The following DNAI3 variants were observed in gnomAD, a reference collection of about 807,000 sequenced individuals.
DNAI3 encodes dynein axonemal intermediate chain 3.
DNAI3 carries 83 observed loss-of-function variants against 115.5 expected under a neutral mutation model. The ratio of observed to expected loss-of-function variants is 0.72; its 90% CI spans 0.60 to 0.86. The LOEUF (loss-of-function observed/expected upper bound fraction) is 0.86, where lower values mean the gene tolerates loss of function less well. Ranked by LOEUF, DNAI3 falls within the 40% of genes least tolerant of loss-of-function variation. The pLI, the probability that DNAI3 is intolerant of heterozygous loss-of-function variation, is 0.00. For synonymous variants in DNAI3, 320 were observed against 347.0 expected (o/e 0.92, Z 0.86); for missense variants, 1,004 against 1,075.8 (o/e 0.93, Z 0.93).
chr1:85,122,432 G>A (rs778385245), intron 18 of DNAI3, among the ~76,000 whole-genome samples: 21 of 152,184 alleles, frequency 1.4e-4, no homozygotes, highest in Non-Finnish European at 2.8e-4. Context: ...ACCCCAATAA[G>A]CAAAGCTCCC....
chr1:85,068,980 C>T (rs140175440), intron 1 of DNAI3, among the ~76,000 whole-genome samples: 10 of 152,286 alleles, frequency 6.6e-5, no homozygotes, highest in African/African-American at 1.7e-4. Context: ...GCCTGGATCC[C>T]GGAATAAGAA....
intron 8 of DNAI3, among the ~76,000 whole-genome samples, chr1:85,091,149 T>G (rs1654960821): frequency 6.6e-6 from 1 of 152,150 alleles, no homozygotes; most frequent in Non-Finnish European, 1.5e-5. Flanking sequence ...GGCAATGAGA[T>G]AGAAACAAGA....
At position 85,126,733 on chromosome 1, in the gene DNAI3, A is replaced by T. The variant is rs1279069203; in HGVS notation, c.2317+18A>T. The T allele has an allele frequency of 1.2e-6, 2 of 1,613,672 alleles. No individual in the cohort carries two copies. The highest frequency in any genetic ancestry group is 1.3e-5 in the African/African-American group (1 of 75,042). ...CTTTTCTTGTATGTTAATTCTAACT[A>T]AATAAGCTAAGTCATTTTGGGTAAC... On this transcript the variant is annotated intron_variant, in intron 20 of 22. Coordinates refer to ENST00000294664, the MANE Select transcript of DNAI3 (RefSeq NM_145172.5).
intron 17 of DNAI3, 63 bp from the exon 18 acceptor site, chr1:85,121,688 A>C (rs1237888962): frequency 4.9e-6 from 7 of 1,436,022 alleles, no homozygotes; most frequent in Non-Finnish European, 6.8e-6. Flanking sequence ...TTAGCACATG[A>C]GTGTGAAGTC....
rs1438315164 is a variant in DNAI3, at chr1:85,121,646, T to G, written c.1918-105T>G. The G allele has an allele frequency of 5.9e-6, 6 of 1,017,312 alleles. No homozygotes were observed. In the Admixed American group the frequency reaches 1.1e-4, roughly 19 times the overall value. 63.0% of individuals were successfully genotyped at this position (1,017,312 alleles called of 1,614,324 possible). A position where few individuals can be genotyped will look rare whatever the true frequency, so the allele number is the denominator to read the frequency against. On this transcript the variant is annotated intron_variant, in intron 17 of 22. Coordinates refer to ENST00000294664, the MANE Select transcript of DNAI3 (RefSeq NM_145172.5). ...AAATTACTTGATTAAATTGACTTGT[T>G]GTTTTGCATTTGTTTTGCTTAACAG...
chr1:85,072,207 G>A (rs7527292), intron 2 of DNAI3, among the ~76,000 whole-genome samples: 121,785 of 152,178 alleles, frequency 0.8, 50,003 homozygotes, highest in South Asian at 0.9. Flanking sequence ...GCGATATAAT[G>A]AATGCTGTAG....
chr1:85,091,842 AC>A (rs1654985331), intron 8 of DNAI3, among the ~76,000 whole-genome samples: 2 of 152,182 alleles, frequency 1.3e-5, no homozygotes, highest in African/African-American at 4.8e-5. Flanking sequence ...GAAACCGGAA[AC>A]CAGAAGAAAG....
chr1:85,099,169 T>TAA lies in DNAI3; in HGVS notation c.1479+512_1479+513insAA, dbSNP rs912987600. 107 of 843,282 alleles carry TAA rather than the reference T, an allele frequency of 1.3e-4. No individual in the cohort carries two copies. The African/African-American group carries it at 1.9e-3, about 15-fold the overall frequency. 52.2% of individuals were successfully genotyped at this position (843,282 alleles called of 1,614,324 possible). On this transcript the variant is annotated intron_variant, in intron 13 of 22. Transcript: ENST00000294664. ...GTGTTTGTCTTTATGGTTGTACACTTACTTGACTATAACCTCACAAAGCAT... is the reference window on the plus strand; with the variant it reads ...GTGTTTGTCTTTATGGTTGTACACTTAAACTTGACTATAACCTCACAAAGCAT...
In DNAI3 at chr1:85,074,566, C is replaced by G. The variant is rs200333565; in HGVS notation, c.103+1474C>G. Among the ~76,000 whole-genome samples, 4 of 152,228 alleles carry G rather than the reference C, an allele frequency of 2.6e-5. No homozygotes were observed. In the East Asian group the frequency reaches 7.7e-4, roughly 29 times the overall value. On this transcript the variant is annotated intron_variant, in intron 3 of 22. Transcript: ENST00000294664. ...ATCATTGAGATCTAGACTACCATCT[C>G]ACTTCCTCAAGAGACTTTCCTTGAC... is the stretch of plus-strand genomic sequence containing the variant.
intron 20 of DNAI3, among the ~76,000 whole-genome samples, chr1:85,127,517 G>A (rs1461162945): frequency 2.6e-5 from 4 of 152,086 alleles, no homozygotes; most frequent in Admixed American, 6.6e-5. Flanking sequence ...GATTATAGGG[G>A]TGAACCACTG....
At chr1:85,109,063 C>T (rs1462648068) in intron 15 of DNAI3, among the ~76,000 whole-genome samples, 1 of 151,976 alleles carries the variant, frequency 6.6e-6, no homozygotes, top group Non-Finnish European at 1.5e-5. Context: ...GATATTAGAC[C>T]ACGGAAAGCT....
chr1:85,093,910 C>T, intron 9 of DNAI3: 2 of 585,428 alleles, frequency 3.4e-6, no homozygotes, highest in Admixed American at 2.2e-5. Context: ...GCCCAGGTCA[C>T]CCAGATGGCA....
chr1:85,121,756 C>T lies in DNAI3; in HGVS notation c.1923C>T (p.Gly641=), dbSNP rs1319709326. 14 of 1,613,966 alleles carry T rather than the reference C, an allele frequency of 8.7e-6. No individual in the cohort carries two copies. The highest frequency in any genetic ancestry group is 6.7e-5 in the Admixed American group (4 of 60,010). ...GGAACCTGTAATATTTTTAGGAAGG[C>T]GAAGTGATATACACAGATTGGAAAA... is the stretch of plus-strand genomic sequence containing the variant. ...CTKFFVGTEE[G]EVIYTDWKME... Residue 641 remains glycine, a synonymous_variant, in exon 18 of 23, where the codon GGC becomes GGT. Transcript: ENST00000294664.
At chr1:85,063,936 C>T (rs182716777) in intron 1 of DNAI3, among the ~76,000 whole-genome samples, 72 of 152,054 alleles carry the variant, frequency 4.7e-4, no homozygotes, top group Non-Finnish European at 9.1e-4. Flanking sequence ...AGGCCTGTGA[C>T]TTTGTTAGTA....
At chr1:85,078,494 T>C (rs961504432) in intron 3 of DNAI3, among the ~76,000 whole-genome samples, 1 of 152,208 alleles carries the variant, frequency 6.6e-6, no homozygotes, top group African/African-American at 2.4e-5. Flanking sequence ...GCACCAACAC[T>C]TGTTTTACAC....
intron 16 of DNAI3, among the ~76,000 whole-genome samples, chr1:85,110,559 A>G (rs1482172748): frequency 6.6e-6 from 1 of 152,114 alleles, no homozygotes; most frequent in Non-Finnish European, 1.5e-5. Flanking sequence ...ATTTGTAAAA[A>G]GAATACAGAA....
intron 5 of DNAI3, among the ~76,000 whole-genome samples, chr1:85,083,247 C>T (rs746076901): frequency 2.0e-5 from 3 of 152,068 alleles, no homozygotes; most frequent in African/African-American, 4.8e-5. Context: ...CCCAGCACTT[C>T]GGGAGGCTGA....
intron 17 of DNAI3, among the ~76,000 whole-genome samples, chr1:85,118,440 T>C (rs1049888368): frequency 2.0e-5 from 3 of 152,192 alleles, no homozygotes; most frequent in Admixed American, 2.0e-4. Context: ...ATTTTATAAA[T>C]GAAGAAATGA....
intron 3 of DNAI3, among the ~76,000 whole-genome samples, chr1:85,079,897 AG>A (rs1470594069): frequency 6.6e-6 from 1 of 152,116 alleles, no homozygotes; most frequent in Non-Finnish European, 1.5e-5. Flanking sequence ...CCTGTGTCCA[AG>A]GGTTTATTAA....
Sources: allele counts gnomAD v4.1 joint callset (sites outside exome capture counted in the v4.1 genomes callset), GRCh38; gene constraint gnomAD v4.1.1; transcripts MANE v1.5; gene names NCBI Gene and HGNC (gene_info 2026-07-23, HGNC 2026-07-21).